The following UBE2H variants were observed in gnomAD, a reference collection of about 807,000 sequenced individuals.
UBE2H encodes ubiquitin-conjugating enzyme E2 H.
UBE2H carries 3 observed loss-of-function variants against 29.0 expected under a neutral mutation model. That is an observed-to-expected ratio of 0.10 (90% CI 0.05 to 0.27). UBE2H has a LOEUF of 0.27. UBE2H is among the 10% of genes least tolerant of loss of function. The pLI is 1.00. For synonymous variants in UBE2H, 69 were observed against 82.9 expected (o/e 0.83, Z 0.91); for missense variants, 68 against 228.2 (o/e 0.30, Z 4.52).
intron 1 of UBE2H, among the ~76,000 whole-genome samples, chr7:129,926,052 C>T (rs1221186448): frequency 6.6e-6 from 1 of 152,110 alleles, no homozygotes; most frequent in African/African-American, 2.4e-5. Context: ...CTTCCTTTTT[C>T]GGTTGAGGAA....
chr7:129,934,198 T>C, intron 1 of UBE2H, among the ~76,000 whole-genome samples: 1 of 152,148 alleles, frequency 6.6e-6, no homozygotes. Flanking sequence ...AGCACACGAC[T>C]GTACTCCTAG....
rs1171395841 is a variant in UBE2H, at chr7:129,833,909, C to T, written c.*1028G>A. The stretch of plus-strand genomic sequence containing the variant: ...GCTTTGCAGTCACCACGTGGGTCGT[C>T]TTCTCAAGTCTAATGGTCCATGAGC... On this transcript the variant is annotated 3_prime_UTR_variant, in exon 7 of 7. Transcript: ENST00000355621. The T allele has an allele frequency of 6.6e-6, 1 of 152,134 alleles. No individual in the cohort carries two copies. Among genetic ancestry groups the T allele is most frequent in the African/African-American group, 2.4e-5 (1 of 41,406 alleles). The allele number at this position is 152,134 out of a possible 1,614,324, so 9.4% of individuals were successfully genotyped here.
intron 3 of UBE2H, among the ~76,000 whole-genome samples, chr7:129,872,941 G>T (rs184051042): frequency 1.2e-3 from 179 of 150,330 alleles, no homozygotes; most frequent in African/African-American, 4.2e-3. Flanking sequence ...CTGACAGGCT[G>T]TCCAGTCTAG....
At chr7:129,919,119 A>G (rs1807104224) in intron 1 of UBE2H, among the ~76,000 whole-genome samples, 1 of 151,070 alleles carries the variant, frequency 6.6e-6, no homozygotes, top group Admixed American at 6.6e-5. Flanking sequence ...AAAAAAAAAA[A>G]AAGCACCAAA....
intron 6 of UBE2H, 87 bp downstream of exon 6, chr7:129,839,120 C>A: frequency 6.5e-7 from 1 of 1,547,368 alleles, no homozygotes; most frequent in Middle Eastern, 2.4e-4. Context: ...GTATTAGGAA[C>A]TAAGTAATTT....
At chr7:129,896,067 G>A (rs1468267700) in intron 1 of UBE2H, among the ~76,000 whole-genome samples, 2 of 152,042 alleles carry the variant, frequency 1.3e-5, no homozygotes, top group African/African-American at 4.8e-5. Context: ...GCTGGGCGTC[G>A]TGGCTCATGC....
intron 1 of UBE2H, among the ~76,000 whole-genome samples, chr7:129,892,067 C>T (rs909614694): frequency 6.6e-6 from 1 of 151,560 alleles, no homozygotes; most frequent in South Asian, 2.1e-4. Flanking sequence ...ATCCTCCTGC[C>T]TCAGCCTCCC....
intron 1 of UBE2H, among the ~76,000 whole-genome samples, chr7:129,890,246 C>G (rs1273632079): frequency 1.4e-5 from 2 of 144,874 alleles, no homozygotes; most frequent in Admixed American, 7.1e-5. Flanking sequence ...TATATACACA[C>G]GTATACATAC....
chr7:129,849,428 A>C (rs990914179), intron 5 of UBE2H, among the ~76,000 whole-genome samples: 1 of 152,030 alleles, frequency 6.6e-6, no homozygotes, highest in Admixed American at 6.6e-5. Context: ...ATATACAAAA[A>C]TTAGTCGGGT....
intron 1 of UBE2H, among the ~76,000 whole-genome samples, chr7:129,921,811 T>C (rs1450532374): frequency 1.3e-5 from 2 of 152,124 alleles, no homozygotes; most frequent in East Asian, 3.8e-4. Flanking sequence ...CTTTGTCTAA[T>C]TACTGTTGTT....
chr7:129,949,637 G>C (rs903207578), intron 1 of UBE2H, among the ~76,000 whole-genome samples: 5 of 152,222 alleles, frequency 3.3e-5, no homozygotes, highest in African/African-American at 1.2e-4. Context: ...CTACCAACCC[G>C]TCACAAAAGA....
chr7:129,874,850 G>A (rs940727293), intron 3 of UBE2H, among the ~76,000 whole-genome samples: 1 of 152,106 alleles, frequency 6.6e-6, no homozygotes, highest in African/African-American at 2.4e-5. Context: ...AAAGTTGCGC[G>A]TAAAGACAGT....
At chr7:129,864,556 C>CT (rs367930226) in intron 3 of UBE2H, among the ~76,000 whole-genome samples, 33,770 of 130,226 alleles carry the variant, frequency 0.26, 5,426 homozygotes, top group African/African-American at 0.38. Context: ...TCTTTTCTTT[C>CT]TTTTTTTTTT....
chr7:129,889,782 G>A (rs1044571380), intron 1 of UBE2H, among the ~76,000 whole-genome samples: 3 of 152,066 alleles, frequency 2.0e-5, no homozygotes, highest in Non-Finnish European at 2.9e-5. Flanking sequence ...CCAGGAGTCC[G>A]AGACCAGCCT....
intron 1 of UBE2H, 111 bp downstream of exon 1, chr7:129,952,392 T>C: frequency 7.2e-7 from 1 of 1,386,748 alleles, no homozygotes; most frequent in Non-Finnish European, 9.7e-7. Flanking sequence ...GAGGGGAGTC[T>C]CGGACAGTGG....
chr7:129,885,665 C>T (rs182870304), intron 1 of UBE2H, among the ~76,000 whole-genome samples: 120 of 152,240 alleles, frequency 7.9e-4, no homozygotes, highest in Non-Finnish European at 1.4e-3. Context: ...CATAGTCTAC[C>T]TCATATGAAA....
rs1311385227 is a variant in UBE2H, at chr7:129,833,919, C to T, written c.*1018G>A. 6.6e-6 allele frequency: 1 copy of T among 152,120 alleles called. No homozygotes were observed. The highest frequency in any genetic ancestry group is 2.4e-5 in the African/African-American group (1 of 41,388). 9.4% of individuals were successfully genotyped at this position (152,120 alleles called of 1,614,324 possible). ...CACCACGTGGGTCGTCTTCTCAAGT[C>T]TAATGGTCCATGAGCGGCTTGTCCA... On this transcript the variant is annotated 3_prime_UTR_variant, in exon 7 of 7. Coordinates refer to ENST00000355621, the MANE Select transcript of UBE2H (RefSeq NM_003344.4).
chr7:129,861,389 C>A (rs1184982086), intron 3 of UBE2H, among the ~76,000 whole-genome samples: 1 of 152,098 alleles, frequency 6.6e-6, no homozygotes, highest in African/African-American at 2.4e-5. Flanking sequence ...ATTTTCTCCG[C>A]TGCACTTTTC....
intron 1 of UBE2H, among the ~76,000 whole-genome samples, chr7:129,928,025 TAAAAAA>T (rs71175049): frequency 7.8e-6 from 1 of 128,550 alleles, no homozygotes; most frequent in Non-Finnish European, 1.6e-5. Context: ...ATCTCAAAAT[TAAAAAA>T]AAAAAAAAAA....
Sources: allele counts gnomAD v4.1 joint callset (sites outside exome capture counted in the v4.1 genomes callset), GRCh38; gene constraint gnomAD v4.1.1; transcripts MANE v1.5; gene names NCBI Gene and HGNC (gene_info 2026-07-23, HGNC 2026-07-21).